The following SNTG1 variants were observed in gnomAD, a reference collection of about 807,000 sequenced individuals.
SNTG1 encodes the protein gamma-1-syntrophin.
A neutral mutation model predicts 74.7 loss-of-function variants in SNTG1; 39 were observed. The ratio of observed to expected loss-of-function variants is 0.52; its 90% CI spans 0.40 to 0.68. SNTG1 has a LOEUF of 0.68. SNTG1 is among the 30% of genes least tolerant of loss of function. The probability of loss-of-function intolerance (pLI) is 0.00; values close to 1 mark genes in which losing one functional copy is unlikely to be tolerated. For synonymous variants in SNTG1, 254 were observed against 217.1 expected (o/e 1.17, Z -1.49); for missense variants, 685 against 609.5 (o/e 1.12, Z -1.30).
intron 13 of SNTG1, among the ~76,000 whole-genome samples, chr8:50,643,578 CAG>C (rs139003695): frequency 0.025 from 3,848 of 152,304 alleles, 158 homozygotes; most frequent in African/African-American, 0.088. Context: ...CTGAGTGTAA[CAG>C]AGAACTCGTG....
At chr8:50,388,202 G>T (rs1016490442) in intron 2 of SNTG1, among the ~76,000 whole-genome samples, 1 of 152,044 alleles carries the variant, frequency 6.6e-6, no homozygotes, top group African/African-American at 2.4e-5. Context: ...GAAATCCTAG[G>T]CTCACCCTTT....
intron 1 of SNTG1, among the ~76,000 whole-genome samples, chr8:49,928,077 C>T (rs568827420): frequency 7.4e-5 from 11 of 149,544 alleles, no homozygotes; most frequent in East Asian, 4.0e-4. Context: ...TGTAGTGAGC[C>T]GAGATCACAC....
chr8:50,571,304 G>A (rs2094547910), intron 12 of SNTG1, among the ~76,000 whole-genome samples: 2 of 152,166 alleles, frequency 1.3e-5, no homozygotes, highest in Admixed American at 1.3e-4. Context: ...TAACTCCCTG[G>A]GACCTGCCTC....
rs147685066 is a variant in SNTG1, at chr8:50,788,950, G to A, written c.1396-3721G>A. On this transcript the variant is annotated intron_variant, in intron 18 of 18. Coordinates refer to ENST00000642720, the MANE Select transcript of SNTG1 (RefSeq NM_018967.5). ...AATACAGTTTCTACAATTGTCCTCAGATTTGATATCTCAACCATTTCATGC... is the reference window on the plus strand; with the variant it reads ...AATACAGTTTCTACAATTGTCCTCAAATTTGATATCTCAACCATTTCATGC... Among the ~76,000 whole-genome samples the A allele has an allele frequency of 2.3e-3, 343 of 152,040 alleles. 2 individuals are homozygous for A. Among genetic ancestry groups the A allele is most frequent in the African/African-American group, 7.6e-3 (314 of 41,510 alleles).
At position 50,617,102 on chromosome 8, in the gene SNTG1, ATTGT is replaced by A. The variant is rs1273242795; in HGVS notation, c.849+26188_849+26191del. Reference sequence around the variant, plus strand: ...GAGATATCATCTCTATTGTCCTGTGATTGTTTATCTCACTCATCCTGTTTTACTA... The same window carrying A: ...GAGATATCATCTCTATTGTCCTGTGATTATCTCACTCATCCTGTTTTACTA... On this transcript the variant is annotated intron_variant, in intron 13 of 18. Coordinates refer to ENST00000642720, the MANE Select transcript of SNTG1 (RefSeq NM_018967.5). Among the ~76,000 whole-genome samples the A allele has an allele frequency of 2.0e-5, 3 of 152,092 alleles. No homozygotes were observed. In the East Asian group the frequency reaches 5.8e-4, roughly 29 times the overall value.
chr8:50,002,659 A>C (rs1479165782), intron 1 of SNTG1, among the ~76,000 whole-genome samples: 2 of 152,128 alleles, frequency 1.3e-5, no homozygotes, highest in Non-Finnish European at 2.9e-5. Flanking sequence ...TACACATAAC[A>C]CCTCCTCCAA....
chr8:50,714,319 G>A (rs2095470045), intron 17 of SNTG1, among the ~76,000 whole-genome samples: 1 of 151,864 alleles, frequency 6.6e-6, no homozygotes. Flanking sequence ...GGCTATATGG[G>A]CTCTTTTTTG....
chr8:49,930,294 A>G (rs538871899), intron 1 of SNTG1, among the ~76,000 whole-genome samples: 2 of 152,062 alleles, frequency 1.3e-5, no homozygotes, highest in Non-Finnish European at 2.9e-5. Context: ...CCTTTTTTAC[A>G]TTTATATCAG....
chr8:50,212,869 A>G lies in SNTG1; in HGVS notation c.-28+40234A>G, dbSNP rs1262151655. On this transcript the variant is annotated intron_variant, in intron 2 of 18. Coordinates refer to ENST00000642720, the MANE Select transcript of SNTG1 (RefSeq NM_018967.5). The stretch of plus-strand genomic sequence containing the variant: ...TAAGATCAGACTGACCAATTTGAAT[A>G]GAAGTTTTGGCTGGAAGTTCTCAGA... 2.6e-5 allele frequency among the ~76,000 whole-genome samples: 4 copies of G among 152,220 alleles called. No homozygotes were observed. The East Asian group carries it at 5.8e-4, about 22-fold the overall frequency.
chr8:50,167,581 G>A (rs2082666103), intron 1 of SNTG1, among the ~76,000 whole-genome samples: 1 of 151,000 alleles, frequency 6.6e-6, no homozygotes, highest in Non-Finnish European at 1.5e-5. Context: ...CAGATTGCTT[G>A]AGCCCACGAG....
At position 50,264,568 on chromosome 8, in the gene SNTG1, T is replaced by G. The variant is rs558139732; in HGVS notation, c.-28+91933T>G. Among the ~76,000 whole-genome samples the G allele has an allele frequency of 1.6e-3, 236 of 147,992 alleles. 3 individuals carry two copies. The highest frequency in any genetic ancestry group is 0.014 in the Middle Eastern group (4 of 284). The stretch of plus-strand genomic sequence containing the variant: ...CTGAGCAACAGAGCAAGCCTCCGTC[T>G]CAAAATAAAAAAAAAAAGAAGAAAG... On this transcript the variant is annotated intron_variant, in intron 2 of 18. Transcript: ENST00000642720.
Position 50,787,503 on chromosome 8 carries a change from A to G in SNTG1, c.1396-5168A>G, listed in dbSNP as rs146203509. ...AGCAATTCCACTTCTAGATATATTC[A>G]AGAGCAATTAGAAGATATTCCCAAA... On this transcript the variant is annotated intron_variant, in intron 18 of 18. Transcript: ENST00000642720. Among the ~76,000 whole-genome samples the G allele has an allele frequency of 1.6e-3, 238 of 152,082 alleles. 1 individual carries two copies. The highest frequency in any genetic ancestry group is 5.5e-3 in the African/African-American group (227 of 41,554).
chr8:49,929,316 C>T (rs1432755054), intron 1 of SNTG1, among the ~76,000 whole-genome samples: 1 of 152,190 alleles, frequency 6.6e-6, no homozygotes, highest in Non-Finnish European at 1.5e-5. Flanking sequence ...AGTGACTCAT[C>T]TGAATCTCTT....
intron 13 of SNTG1, 69 bp downstream of exon 13, chr8:50,590,986 C>T (rs538555809): frequency 7.1e-5 from 78 of 1,098,126 alleles, no homozygotes; most frequent in East Asian, 2.8e-4. Context: ...TAGAAGATAA[C>T]GTTACCTGAT....
chr8:49,953,959 A>G (rs318882), intron 1 of SNTG1, among the ~76,000 whole-genome samples: 12,777 of 152,194 alleles, frequency 0.084, 1,741 homozygotes, highest in African/African-American at 0.29. Flanking sequence ...CATAGCAAAA[A>G]TGTTCTAGAT....
chr8:50,054,584 TG>T (rs887055637), intron 1 of SNTG1, among the ~76,000 whole-genome samples: 2 of 152,156 alleles, frequency 1.3e-5, no homozygotes, highest in African/African-American at 4.8e-5. Context: ...CATTTCTCAG[TG>T]GCTTCCATTG....
chr8:50,349,490 A>G (rs557078665), intron 2 of SNTG1, among the ~76,000 whole-genome samples: 102 of 152,012 alleles, frequency 6.7e-4, no homozygotes, highest in African/African-American at 2.4e-3. Flanking sequence ...TTATTTTTTC[A>G]GTGAAATTAA....
chr8:49,970,614 T>A (rs1423128322), intron 1 of SNTG1, among the ~76,000 whole-genome samples: 2 of 152,200 alleles, frequency 1.3e-5, no homozygotes, highest in South Asian at 2.1e-4. Flanking sequence ...TTGTCCTCTA[T>A]TCCATAAGAT....
At chr8:50,565,285 G>A (rs773132985) in intron 12 of SNTG1, among the ~76,000 whole-genome samples, 1 of 151,464 alleles carries the variant, frequency 6.6e-6, no homozygotes, top group Non-Finnish European at 1.5e-5. Context: ...AAAAAAAAAT[G>A]TTTGGTAAAA....
Sources: gnomAD v4.1 joint callset for allele counts (sites outside exome capture counted in the v4.1 genomes callset) on GRCh38, gnomAD v4.1.1 for gene constraint, MANE v1.5 for transcripts, NCBI Gene and HGNC (gene_info 2026-07-23, HGNC 2026-07-21) for gene names.